The following USP48 variants were observed in gnomAD, a reference collection of about 807,000 sequenced individuals.
USP48 encodes ubiquitin carboxyl-terminal hydrolase 48.
Under a neutral mutation model 150.7 loss-of-function variants are expected in USP48, and 43 were observed. The observed-to-expected ratio is 0.29, with a 90% confidence interval of 0.22 to 0.37. USP48 has a LOEUF of 0.37. Among genes scored for constraint, USP48 ranks in the 10% least tolerant of loss-of-function variants. The pLI is 1.00. For synonymous variants in USP48, 396 were observed against 425.9 expected, an observed-to-expected ratio of 0.93 and a Z score of 0.86; for missense variants, 813 against 1,249.6, an observed-to-expected ratio of 0.65 and a Z score of 5.27.
At position 21,742,550 on chromosome 1, in the gene USP48, A is replaced by AAAAG. The variant is rs1374976563; in HGVS notation, c.991+4516_991+4517insCTTT. Among the ~76,000 whole-genome samples, 86 of 151,428 alleles carry AAAAG rather than the reference A, an allele frequency of 5.7e-4. 1 individual carries two copies. The highest frequency in any genetic ancestry group is 1.1e-3 in the Admixed American group (16 of 15,168). Reference sequence around the variant, plus strand: ...CAGAGCGAGACTCTATCTCAAAAAAAAAAAGAAAAGAAAAGAAAAAGAAAA... The same window carrying AAAAG: ...CAGAGCGAGACTCTATCTCAAAAAAAAAAGAAAAGAAAAGAAAAGAAAAAGAAAA... On this transcript the variant is annotated intron_variant, in intron 8 of 26. Transcript: ENST00000308271.
At chr1:21,760,417 C>CA (rs2097847072) in intron 1 of USP48, among the ~76,000 whole-genome samples, 2 of 152,090 alleles carry the variant, frequency 1.3e-5, no homozygotes, top group Non-Finnish European at 2.9e-5. Flanking sequence ...CTACTGCTGT[C>CA]AAAAAATAAA....
chr1:21,763,773 C>T (rs565720383), intron 1 of USP48, among the ~76,000 whole-genome samples: 79 of 151,822 alleles, frequency 5.2e-4, no homozygotes, highest in Non-Finnish European at 1.0e-3. Context: ...CGAGATCATG[C>T]CATTGCACTC....
intron 6 of USP48, among the ~76,000 whole-genome samples, chr1:21,750,604 G>A (rs1469141096): frequency 1.3e-5 from 2 of 152,158 alleles, no homozygotes; most frequent in East Asian, 1.9e-4. Context: ...CAGGCGCGGT[G>A]GTTCACGTGT....
At chr1:21,687,422 G>A (rs565941410) in intron 24 of USP48, among the ~76,000 whole-genome samples, 183 bp from the exon 25 acceptor site, 43 of 152,322 alleles carry the variant, frequency 2.8e-4, no homozygotes, top group South Asian at 1.2e-3. Flanking sequence ...CTGGCTATGG[G>A]TCTAGAGTCA....
chr1:21,763,820 AAAGGAAGGGAGG>A (rs778283900), intron 1 of USP48, among the ~76,000 whole-genome samples: 3 of 151,264 alleles, frequency 2.0e-5, no homozygotes, highest in Middle Eastern at 3.4e-3. Flanking sequence ...TGTTTCAAGA[AAAGGAAGGGAGG>A]AAGGAAGGGA....
intron 24 of USP48, among the ~76,000 whole-genome samples, chr1:21,688,375 C>T (rs1449518981): frequency 2.0e-5 from 3 of 151,902 alleles, no homozygotes; most frequent in Non-Finnish European, 2.9e-5. Context: ...CCCACCACCA[C>T]GCTTGGCCAA....
In USP48 at chr1:21,752,612, C is replaced by T; in HGVS notation, c.580G>A (p.Glu194Lys). The change falls in exon 5 of 27, where the codon GAA becomes AAA. Residue 194 changes from glutamate (E) to lysine (K), a missense_variant. Coordinates refer to ENST00000308271, the MANE Select transcript of USP48 (RefSeq NM_032236.8). The stretch of plus-strand genomic sequence containing the variant: ...TTCTTTTGTTTAGACAAAGTATCTT[C>T]CAATAGAGACATAAAGAGCTTTGAA... ...EFSKLFMSLL[E>K]DTLSKQKNPD... is the part of the protein sequence containing the mutation. The T allele has an allele frequency of 6.2e-7, 1 of 1,611,364 alleles. No individual in the cohort carries two copies. Among genetic ancestry groups the T allele is most frequent in the Non-Finnish European group, 8.5e-7 (1 of 1,179,400 alleles).
In USP48 at chr1:21,705,831, A is replaced by G. The variant is rs773472496; in HGVS notation, c.2280T>C (p.Pro760=). ...CTGATGACACAGGGCTGCATCTTGT[A>G]GGCTTTCTACTCAAATGAGACAAGG... The part of the protein sequence containing the change: ...VEEWRKFVRK[P]TRCSPVSSVG... The change falls in exon 19 of 27, where the codon CCT becomes CCC. Residue 760 remains proline (P), a synonymous_variant. Transcript: ENST00000308271. The G allele has an allele frequency of 3.1e-6, 5 of 1,598,322 alleles. No individual in the cohort carries two copies. In the South Asian group the frequency reaches 5.8e-5, roughly 18 times the overall value.
At chr1:21,765,862 T>C (rs1451214129) in intron 1 of USP48, among the ~76,000 whole-genome samples, 1 of 124,376 alleles carries the variant, frequency 8.0e-6, no homozygotes, top group Admixed American at 9.0e-5. Flanking sequence ...CGAGATCCCA[T>C]GGTGCTCCGG....
chr1:21,705,736 T>A lies in USP48; in HGVS notation c.2375A>T (p.Asp792Val), dbSNP rs755480139. The change falls in exon 19 of 27, where the codon GAT becomes GTT. Residue 792 changes from aspartate to valine, a missense_variant. By Grantham distance (152) the Asp-to-Val change is radical. Transcript: ENST00000308271. ...AAGAGAAGGAACTCACAGTTTAGAA[T>A]CTTCTTTGGTCATGGAAGCAAATGT... ...MFTFASMTKE[D>V]SKLIALIWPS... The A allele has an allele frequency of 6.2e-6, 10 of 1,600,260 alleles. No individual in the cohort carries two copies. Among genetic ancestry groups the A allele is most frequent in the Non-Finnish European group, 7.7e-6 (9 of 1,175,848 alleles).
intron 22 of USP48, among the ~76,000 whole-genome samples, chr1:21,697,491 G>A (rs144527086): frequency 0.018 from 2,777 of 151,886 alleles, 34 homozygotes; most frequent in Middle Eastern, 0.069. Context: ...GTGAAACCCC[G>A]TCTCTACTAA....
intron 22 of USP48, among the ~76,000 whole-genome samples, chr1:21,701,185 T>C (rs1334716796): frequency 1.3e-5 from 2 of 148,650 alleles, no homozygotes; most frequent in African/African-American, 5.0e-5. Flanking sequence ...GCCAACACAG[T>C]GAAACCCCGT....
At position 21,690,919 on chromosome 1, in the gene USP48, ACT is replaced by A. The variant is rs367968158; in HGVS notation, c.2884-822_2884-821del. Among the ~76,000 whole-genome samples the A allele has an allele frequency of 1.5e-3, 221 of 152,292 alleles. 2 individuals carry two copies. The highest frequency in any genetic ancestry group is 4.8e-3 in the African/African-American group (201 of 41,554). ...TGGGGTATGTAATTCAGCCTTTGGA[ACT>A]GTCACATATTCTTAGACTGAGTTTT... On this transcript the variant is annotated intron_variant, in intron 23 of 26. Transcript: ENST00000308271.
chr1:21,702,223 C>CAA (rs1201593893), intron 21 of USP48, among the ~76,000 whole-genome samples: 2 of 152,098 alleles, frequency 1.3e-5, no homozygotes, highest in African/African-American at 4.8e-5. Context: ...GCTTGTAAAG[C>CAA]AGAACCCTTG....
chr1:21,683,871 G>T (rs1237427248), intron 25 of USP48, among the ~76,000 whole-genome samples: 1 of 152,110 alleles, frequency 6.6e-6, no homozygotes, highest in Non-Finnish European at 1.5e-5. Context: ...GTATGAGTGA[G>T]AAAATACAGT....
intron 5 of USP48, 78 bp from the exon 6 acceptor site, chr1:21,751,693 G>A: frequency 4.6e-6 from 5 of 1,086,328 alleles, no homozygotes; most frequent in Admixed American, 2.1e-5. Flanking sequence ...ATCCTAGAAA[G>A]ATGGAAAAAA....
rs1367109619 is a variant in USP48, at chr1:21,695,113, C to T, written c.2836G>A (p.Ala946Thr). The change falls in exon 23 of 27, where the codon GCA (alanine) becomes ACA (threonine). Residue 946 changes from alanine to threonine, a missense_variant. Coordinates refer to ENST00000308271, the MANE Select transcript of USP48 (RefSeq NM_032236.8). ...GTCTGATTAGCAGAAACGAGAAGTGCTTTCTCACCACGAACTTTTCTATGT... is the reference window on the plus strand; with the variant it reads ...GTCTGATTAGCAGAAACGAGAAGTGTTTTCTCACCACGAACTTTTCTATGT... Reference protein sequence around the residue: ...MRHRKVRGEKALLVSANQTLK... With the variant: ...MRHRKVRGEKTLLVSANQTLK... 1 of 1,613,566 alleles carries T rather than the reference C, an allele frequency of 6.2e-7. No individual in the cohort carries two copies. Among genetic ancestry groups the T allele is most frequent in the East Asian group, 2.2e-5 (1 of 44,842 alleles).
intron 23 of USP48, among the ~76,000 whole-genome samples, chr1:21,694,593 A>C (rs1233815066): frequency 8.8e-5 from 11 of 125,678 alleles, no homozygotes; most frequent in African/African-American, 1.6e-4. Flanking sequence ...AAAAAAAAAA[A>C]AAAAAAAAAA....
At chr1:21,690,898 G>A (rs1335111249) in intron 23 of USP48, among the ~76,000 whole-genome samples, 1 of 152,042 alleles carries the variant, frequency 6.6e-6, no homozygotes, top group Non-Finnish European at 1.5e-5. Flanking sequence ...ATGGCCTGGG[G>A]TATGTAATTC....
Sources: gnomAD v4.1 joint callset for allele counts (sites outside exome capture counted in the v4.1 genomes callset) on GRCh38, gnomAD v4.1.1 for gene constraint, MANE v1.5 for transcripts, NCBI Gene and HGNC (gene_info 2026-07-23, HGNC 2026-07-21) for gene names.